Variants in TENM3 observed in about 807,000 individuals in gnomAD.
The protein encoded by TENM3 is teneurin-3.
A neutral mutation model predicts 255.1 loss-of-function variants in TENM3; 63 were observed. The observed-to-expected ratio is 0.25, with a 90% CI of 0.20 to 0.30. The LOEUF (loss-of-function observed/expected upper bound fraction) is 0.30, where lower values mean the gene tolerates loss of function less well. Ranked by LOEUF, TENM3 falls within the 10% of genes least tolerant of loss-of-function variation. The pLI is 1.00. For synonymous variants in TENM3, 1,306 were observed against 1,322.3 expected, an observed-to-expected ratio of 0.99 and a Z score of 0.27; for missense variants, 2,929 against 3,461.1, an observed-to-expected ratio of 0.85 and a Z score of 3.86.
rs79124480 is a variant in TENM3, at chr4:182,345,662, A to G, written c.233-989A>G. Among the ~76,000 whole-genome samples, 795 of 152,308 alleles carry G rather than the reference A, an allele frequency of 5.2e-3. 5 individuals are homozygous for G. Among genetic ancestry groups the G allele is most frequent in the Non-Finnish European group, 9.3e-3 (634 of 68,018 alleles). ...TCTCACTCTTCTCATCCATAGTAGTATAAAACGTGAAATTTCCAGAATAAA... is the reference window on the plus strand; with the variant it reads ...TCTCACTCTTCTCATCCATAGTAGTGTAAAACGTGAAATTTCCAGAATAAA... On this transcript the variant is annotated intron_variant, in intron 2 of 27. Coordinates refer to ENST00000511685, the MANE Select transcript of TENM3 (RefSeq NM_001080477.4).
the TENM3 span, among the ~76,000 whole-genome samples, chr4:181,728,328 T>A: frequency 6.6e-6 from 1 of 152,142 alleles, no homozygotes; most frequent in Non-Finnish European, 1.5e-5. Context: ...GTGAAAGCGG[T>A]TAAGAAAGTA....
intron 3 of TENM3, among the ~76,000 whole-genome samples, chr4:182,401,961 C>T (rs1489905905): frequency 1.3e-5 from 2 of 152,196 alleles, no homozygotes; most frequent in South Asian, 2.1e-4. Context: ...TTTTGACCAG[C>T]CTACTTCACT....
At chr4:181,936,147 T>C in the TENM3 span, among the ~76,000 whole-genome samples, 1 of 152,170 alleles carries the variant, frequency 6.6e-6, no homozygotes, top group Non-Finnish European at 1.5e-5. Flanking sequence ...ATCCTAGCAC[T>C]TTGGGAGGCC....
At chr4:182,790,610 C>G (rs1271847983) in intron 25 of TENM3, among the ~76,000 whole-genome samples, 1 of 152,176 alleles carries the variant, frequency 6.6e-6, no homozygotes, top group Non-Finnish European at 1.5e-5. Context: ...CGTCCTCTTG[C>G]AAACTCACCT....
chr4:182,667,686 C>G (rs1278796897), intron 6 of TENM3, among the ~76,000 whole-genome samples: 1 of 151,800 alleles, frequency 6.6e-6, no homozygotes, highest in East Asian at 1.9e-4. Context: ...TACCTTATTG[C>G]TGTGTTCTTG....
intron 3 of TENM3, among the ~76,000 whole-genome samples, chr4:182,368,821 T>G (rs28475484): frequency 6.6e-6 from 1 of 152,192 alleles, no homozygotes; most frequent in Non-Finnish European, 1.5e-5. Context: ...CCATCTGTAG[T>G]TGACAGCTGT....
At chr4:181,605,561 A>AG in the TENM3 span, among the ~76,000 whole-genome samples, 70 of 30,058 alleles carry the variant, frequency 2.3e-3, 9 homozygotes, top group African/African-American at 4.5e-3. Flanking sequence ...AAAGAAAGAA[A>AG]GAAAGAAAGA....
At chr4:181,575,960 G>GT in the TENM3 span, among the ~76,000 whole-genome samples, 21,744 of 152,180 alleles carry the variant, frequency 0.14, 2,087 homozygotes, top group African/African-American at 0.26. Flanking sequence ...GCTTTGTTAG[G>GT]TTTTTTGTAT....
chr4:182,590,350 A>C (rs899497759), intron 3 of TENM3, among the ~76,000 whole-genome samples: 1 of 151,552 alleles, frequency 6.6e-6, no homozygotes, highest in African/African-American at 2.4e-5. Flanking sequence ...TAAAAAGGTT[A>C]CAGAGGGCTG....
At chr4:182,785,712 T>C (rs139452346) in intron 24 of TENM3, among the ~76,000 whole-genome samples, 10 of 60,086 alleles carry the variant, frequency 1.7e-4, no homozygotes, top group Admixed American at 4.5e-4. Flanking sequence ...TGTCTCAAGA[T>C]AAAAAAAAAA....
intron 3 of TENM3, among the ~76,000 whole-genome samples, chr4:182,404,601 G>A (rs993158303): frequency 1.3e-5 from 2 of 152,198 alleles, no homozygotes; most frequent in Admixed American, 1.3e-4. Context: ...GTGTGTGCAG[G>A]CAGCAGAGCC....
the TENM3 span, among the ~76,000 whole-genome samples, chr4:181,919,818 G>A: frequency 3.3e-5 from 5 of 151,218 alleles, no homozygotes; most frequent in African/African-American, 1.2e-4. Flanking sequence ...GTGCCATGCT[G>A]GTGTGCTGCA....
chr4:181,771,766 G>A, the TENM3 span, among the ~76,000 whole-genome samples: 1 of 152,216 alleles, frequency 6.6e-6, no homozygotes, highest in Non-Finnish European at 1.5e-5. Flanking sequence ...CAAGTTCCCA[G>A]TGATGCAGAC....
chr4:181,992,664 G>T, the TENM3 span, among the ~76,000 whole-genome samples: 1 of 151,964 alleles, frequency 6.6e-6, no homozygotes, highest in African/African-American at 2.4e-5. Context: ...TTTTTTCTCA[G>T]GTATATTTTG....
chr4:181,776,250 G>T, the TENM3 span, among the ~76,000 whole-genome samples: 3 of 152,046 alleles, frequency 2.0e-5, no homozygotes, highest in Non-Finnish European at 4.4e-5. Flanking sequence ...TAAATGACAA[G>T]ATTTCCTTCT....
At chr4:181,673,401 T>G in the TENM3 span, among the ~76,000 whole-genome samples, 1 of 152,200 alleles carries the variant, frequency 6.6e-6, no homozygotes, top group Non-Finnish European at 1.5e-5. Flanking sequence ...AACCTGTGTA[T>G]CATGTAACGT....
At chr4:182,400,250 T>C (rs936473985) in intron 3 of TENM3, among the ~76,000 whole-genome samples, 1 of 152,210 alleles carries the variant, frequency 6.6e-6, no homozygotes. Context: ...TTCCTTTTCT[T>C]TGGATTTGAA....
chr4:182,108,641 G>A, the TENM3 span, among the ~76,000 whole-genome samples: 5 of 152,150 alleles, frequency 3.3e-5, no homozygotes, highest in African/African-American at 1.2e-4. Flanking sequence ...GGGTGGAATC[G>A]TGGAAGCAAA....
chr4:182,293,934 AAT>A (rs1416834518), intron 1 of TENM3, among the ~76,000 whole-genome samples: 23 of 152,010 alleles, frequency 1.5e-4, no homozygotes, highest in Admixed American at 2.6e-4. Context: ...TGTTAACCCA[AAT>A]GCCTCGACAA....
Sources: gnomAD v4.1 joint callset for allele counts (sites outside exome capture counted in the v4.1 genomes callset) on GRCh38, gnomAD v4.1.1 for gene constraint, MANE v1.5 for transcripts, NCBI Gene and HGNC (gene_info 2026-07-23, HGNC 2026-07-21) for gene names.